The following JAZF1 variants were observed in gnomAD, a reference collection of about 807,000 sequenced individuals.
The protein encoded by JAZF1 is juxtaposed with another zinc finger protein 1.
A neutral mutation model predicts 26.4 loss-of-function variants in JAZF1; 8 were observed. The ratio of observed to expected loss-of-function variants is 0.30; its 90% CI spans 0.18 to 0.55. The LOEUF is 0.55. Among genes scored for constraint, JAZF1 ranks in the 20% least tolerant of loss-of-function variants. The probability of loss-of-function intolerance (pLI) is 0.94; values close to 1 mark genes in which losing one functional copy is unlikely to be tolerated. For synonymous variants in JAZF1, 126 were observed against 122.3 expected (o/e 1.03, Z -0.20); for missense variants, 199 against 322.0 (o/e 0.62, Z 2.92).
chr7:27,891,712 C>CCAGCTACACAGGAGGCTGACGT (rs1232904408), intron 3 of JAZF1, among the ~76,000 whole-genome samples: 2 of 151,840 alleles, frequency 1.3e-5, no homozygotes, highest in South Asian at 2.1e-4. Flanking sequence ...GCCTGTAGTC[C>CCAGCTACACAGGAGGCTGACGT]CAGCTACACA....
intron 1 of JAZF1, among the ~76,000 whole-genome samples, chr7:28,164,592 T>C (rs1445133530): frequency 6.6e-6 from 1 of 152,238 alleles, no homozygotes; most frequent in Non-Finnish European, 1.5e-5. Flanking sequence ...AAAAAACTGT[T>C]CATGGAATTC....
At chr7:28,024,181 G>A (rs1783054232) in intron 1 of JAZF1, among the ~76,000 whole-genome samples, 1 of 151,998 alleles carries the variant, frequency 6.6e-6, no homozygotes, top group Non-Finnish European at 1.5e-5. Flanking sequence ...TGTAGTCCCA[G>A]CTACTCAGGA....
At chr7:27,875,662 C>G (rs549887207) in intron 3 of JAZF1, among the ~76,000 whole-genome samples, 9 of 152,344 alleles carry the variant, frequency 5.9e-5, no homozygotes, top group African/African-American at 2.2e-4. Context: ...GGTGCCTGCC[C>G]TGCATGGGCT....
At chr7:28,179,763 G>A (rs1171715423) in intron 1 of JAZF1, among the ~76,000 whole-genome samples, 1 of 147,784 alleles carries the variant, frequency 6.8e-6, no homozygotes, top group Non-Finnish European at 1.5e-5. Context: ...CGCCTCCCAG[G>A]GAGAGGGCAA....
rs367561108 is a variant in JAZF1, at chr7:28,027,175, C to T, written c.116-35194G>A. On this transcript the variant is annotated intron_variant, in intron 1 of 4. Coordinates refer to ENST00000283928, the MANE Select transcript of JAZF1 (RefSeq NM_175061.4). Reference sequence around the variant, plus strand: ...TGAACAGACGTACTGACCCCAGCCCCATGCCAGTCTCAGGGGCTGCCCCAC... The same window carrying T: ...TGAACAGACGTACTGACCCCAGCCCTATGCCAGTCTCAGGGGCTGCCCCAC... 2.2e-4 allele frequency among the ~76,000 whole-genome samples: 34 copies of T among 152,326 alleles called. 1 individual carries two copies. The South Asian group carries it at 6.8e-3, about 31-fold the overall frequency.
At chr7:28,120,498 G>GTTTTTTTTTTTTTTTTT (rs1345204155) in intron 1 of JAZF1, among the ~76,000 whole-genome samples, 10 of 41,064 alleles carry the variant, frequency 2.4e-4, no homozygotes, top group South Asian at 8.8e-4. Flanking sequence ...GCCACACACA[G>GTTTTTTTTTTTTTTTTT]TTCTTTTTTT....
intron 1 of JAZF1, among the ~76,000 whole-genome samples, chr7:28,153,451 T>C (rs1783137940): frequency 6.6e-6 from 1 of 152,074 alleles, no homozygotes; most frequent in Admixed American, 6.5e-5. Flanking sequence ...TGCAGGTTTT[T>C]CCCAACTATA....
chr7:27,890,284 C>T (rs894470672), intron 3 of JAZF1, among the ~76,000 whole-genome samples: 2 of 152,196 alleles, frequency 1.3e-5, no homozygotes, highest in Non-Finnish European at 2.9e-5. Context: ...AGCTTGCAAA[C>T]CTGATTATTT....
At chr7:28,097,937 C>G (rs1441690002) in intron 1 of JAZF1, among the ~76,000 whole-genome samples, 2 of 152,212 alleles carry the variant, frequency 1.3e-5, no homozygotes, top group Non-Finnish European at 1.5e-5. Context: ...ATTAAATTCT[C>G]AAACCATTCC....
At chr7:27,870,357 G>A (rs907550438) in intron 3 of JAZF1, among the ~76,000 whole-genome samples, 3 of 151,902 alleles carry the variant, frequency 2.0e-5, no homozygotes, top group African/African-American at 7.3e-5. Flanking sequence ...CCTGTGTTCT[G>A]GCCATGTCCC....
intron 1 of JAZF1, among the ~76,000 whole-genome samples, chr7:28,092,880 G>A (rs533315451): frequency 1.3e-5 from 2 of 150,952 alleles, no homozygotes; most frequent in East Asian, 3.9e-4. Context: ...AAGAAAGAAA[G>A]AAAAGAAAAA....
At position 27,831,385 on chromosome 7, in the gene JAZF1, GCTAT is replaced by G. The variant is rs1309101408; in HGVS notation, c.*1411_*1414del. 1.3e-5 allele frequency: 3 copies of G among 227,568 alleles called. No individual in the cohort carries two copies. The highest frequency in any genetic ancestry group is 2.2e-5 in the African/African-American group (1 of 45,042). The allele number at this position is 227,568 out of a possible 1,614,324, so 14.1% of individuals were successfully genotyped here. A position where few individuals can be genotyped will look rare whatever the true frequency, so the allele number is the denominator to read the frequency against. On this transcript the variant is annotated 3_prime_UTR_variant, in exon 5 of 5. Coordinates refer to ENST00000283928, the MANE Select transcript of JAZF1 (RefSeq NM_175061.4). ...TTTGAGTTTGTTTTATGGGCAGTTA[GCTAT>G]CTCAAAGCATTTTTTATTGCATTAT...
At chr7:27,871,282 T>C (rs1263589578) in intron 3 of JAZF1, among the ~76,000 whole-genome samples, 2 of 152,218 alleles carry the variant, frequency 1.3e-5, no homozygotes, top group Non-Finnish European at 2.9e-5. Context: ...AGGTCAGTGC[T>C]GTGTGCCAAC....
At chr7:28,024,328 TAAG>T (rs1181694680) in intron 1 of JAZF1, among the ~76,000 whole-genome samples, 8 of 151,892 alleles carry the variant, frequency 5.3e-5, no homozygotes, top group African/African-American at 1.9e-4. Flanking sequence ...GAGAGATGTT[TAAG>T]AAGAGAGAAC....
At chr7:28,095,254 C>T (rs891465799) in intron 1 of JAZF1, among the ~76,000 whole-genome samples, 2 of 152,202 alleles carry the variant, frequency 1.3e-5, no homozygotes, top group African/African-American at 2.4e-5. Context: ...TTTTATACTG[C>T]TATGAAGAAC....
chr7:28,180,325 C>G (rs929048410), intron 1 of JAZF1, 138 bp downstream of exon 1: 1 of 397,354 alleles, frequency 2.5e-6, no homozygotes. Context: ...TCCCGCCACC[C>G]CCACCTCGGG....
At chr7:28,013,263 CACAGG>C (rs1782828543) in intron 1 of JAZF1, among the ~76,000 whole-genome samples, 1 of 152,180 alleles carries the variant, frequency 6.6e-6, no homozygotes, top group African/African-American at 2.4e-5. Flanking sequence ...CCAGACCTAG[CACAGG>C]GCCTGCTTGC....
At chr7:28,021,263 T>C (rs996969184) in intron 1 of JAZF1, among the ~76,000 whole-genome samples, 6 of 152,112 alleles carry the variant, frequency 3.9e-5, no homozygotes, top group African/African-American at 1.4e-4. Flanking sequence ...CAAATAAAGT[T>C]GTGCATGAAG....
chr7:28,078,051 G>A (rs945021020), intron 1 of JAZF1, among the ~76,000 whole-genome samples: 2 of 152,230 alleles, frequency 1.3e-5, no homozygotes, highest in African/African-American at 4.8e-5. Context: ...TTATGGAACA[G>A]AAGAAAACAT....
Sources: gnomAD v4.1 joint callset for allele counts (sites outside exome capture counted in the v4.1 genomes callset) on GRCh38, gnomAD v4.1.1 for gene constraint, MANE v1.5 for transcripts, NCBI Gene and HGNC (gene_info 2026-07-23, HGNC 2026-07-21) for gene names.